ROBO2: variants seen among roughly 807,000 people sequenced by gnomAD.
ROBO2 encodes the protein roundabout homolog 2.
A neutral mutation model predicts 160.8 loss-of-function variants in ROBO2; 53 were observed. The ratio of observed to expected loss-of-function variants is 0.33; its 90% CI spans 0.26 to 0.41. The LOEUF is 0.41. Among genes scored for constraint, ROBO2 ranks in the 10% least tolerant of loss-of-function variants. The pLI is 1.00. For synonymous variants in ROBO2, 664 were observed against 611.7 expected (o/e 1.09, Z -1.26); for missense variants, 1,577 against 1,722.4 (o/e 0.92, Z 1.49).
intron 2 of ROBO2, among the ~76,000 whole-genome samples, chr3:76,403,578 A>G (rs1430753549): frequency 6.6e-6 from 1 of 151,454 alleles, no homozygotes; most frequent in Non-Finnish European, 1.5e-5. Context: ...TCTTAACCAC[A>G]ATGTTTACTC....
At chr3:77,589,636 TG>T (rs1207812256) in intron 17 of ROBO2, among the ~76,000 whole-genome samples, 1 of 152,046 alleles carries the variant, frequency 6.6e-6, no homozygotes, top group Non-Finnish European at 1.5e-5. Context: ...GTTTCAAGGG[TG>T]TCCTATAATG....
chr3:76,412,056 C>T (rs1359442014), intron 2 of ROBO2, among the ~76,000 whole-genome samples: 1 of 152,090 alleles, frequency 6.6e-6, no homozygotes, highest in African/African-American at 2.4e-5. Context: ...GCTGGGGAGG[C>T]CTCAGAATCA....
At chr3:76,956,994 G>T (rs1157331354) in intron 2 of ROBO2, among the ~76,000 whole-genome samples, 1 of 152,050 alleles carries the variant, frequency 6.6e-6, no homozygotes, top group African/African-American at 2.4e-5. Flanking sequence ...ATTATGCCGT[G>T]AAAAATAGAT....
At chr3:77,108,801 T>C (rs530721953) in intron 2 of ROBO2, among the ~76,000 whole-genome samples, 17 of 152,246 alleles carry the variant, frequency 1.1e-4, no homozygotes, top group East Asian at 7.7e-4. Flanking sequence ...ATTAGCTTAA[T>C]TGGGGAGTAG....
At chr3:77,329,482 A>G (rs944311301) in intron 2 of ROBO2, among the ~76,000 whole-genome samples, 1 of 152,216 alleles carries the variant, frequency 6.6e-6, no homozygotes, top group Admixed American at 6.5e-5. Context: ...CCTTCACATT[A>G]AGAGTAATCC....
chr3:76,838,313 A>G (rs2067899308), intron 2 of ROBO2, among the ~76,000 whole-genome samples: 1 of 152,096 alleles, frequency 6.6e-6, no homozygotes, highest in South Asian at 2.1e-4. Flanking sequence ...TGAAATAATC[A>G]GTATAACGAA....
At chr3:75,953,589 T>G (rs1346772822) in intron 2 of ROBO2, among the ~76,000 whole-genome samples, 1 of 151,798 alleles carries the variant, frequency 6.6e-6, no homozygotes, top group Non-Finnish European at 1.5e-5. Context: ...AATTTCTCAA[T>G]TTTTTCTTTG....
chr3:76,757,986 G>A (rs528361231), intron 2 of ROBO2, among the ~76,000 whole-genome samples: 1 of 151,772 alleles, frequency 6.6e-6, no homozygotes, highest in South Asian at 2.1e-4. Context: ...AGGAGGCCAC[G>A]GTGTCTCCAG....
At chr3:77,018,985 C>A (rs947931817) in intron 2 of ROBO2, among the ~76,000 whole-genome samples, 3 of 152,166 alleles carry the variant, frequency 2.0e-5, no homozygotes, top group Admixed American at 1.3e-4. Context: ...TGTCCCTGAT[C>A]CAAGTACATC....
chr3:77,092,052 T>C (rs1401788440), intron 1 of ROBO2: 4 of 151,248 alleles, frequency 2.6e-5, no homozygotes, highest in East Asian at 1.9e-4. Flanking sequence ...TAAAGAAATA[T>C]CTTAGTGTTC....
intron 2 of ROBO2, among the ~76,000 whole-genome samples, chr3:76,606,795 C>T (rs2087697614): frequency 6.6e-6 from 1 of 151,926 alleles, no homozygotes. Flanking sequence ...AATAATGTCT[C>T]CTACTTTGAG....
intron 2 of ROBO2, among the ~76,000 whole-genome samples, chr3:77,365,639 A>G (rs1396084406): frequency 6.6e-6 from 1 of 152,194 alleles, no homozygotes; most frequent in Non-Finnish European, 1.5e-5. Context: ...TAAGTTCAGC[A>G]GAAGACTTAG....
intron 2 of ROBO2, among the ~76,000 whole-genome samples, chr3:76,499,220 G>A (rs80035393): frequency 0.014 from 2,070 of 152,096 alleles, 61 homozygotes; most frequent in African/African-American, 0.046. Flanking sequence ...CAATTTCTCC[G>A]CAACATAAGG....
At chr3:76,761,754 T>C (rs2061320477) in intron 2 of ROBO2, among the ~76,000 whole-genome samples, 1 of 151,690 alleles carries the variant, frequency 6.6e-6, no homozygotes, top group South Asian at 2.1e-4. Context: ...CAACATGTCT[T>C]GATAGAACAT....
intron 2 of ROBO2, among the ~76,000 whole-genome samples, chr3:77,295,478 G>A (rs2061961300): frequency 6.6e-6 from 1 of 150,646 alleles, no homozygotes; most frequent in East Asian, 2.0e-4. Context: ...GGTTAAATGG[G>A]TAAGCTGAGG....
intron 2 of ROBO2, among the ~76,000 whole-genome samples, chr3:77,389,734 T>C (rs2074514516): frequency 6.6e-6 from 1 of 152,144 alleles, no homozygotes; most frequent in African/African-American, 2.4e-5. Flanking sequence ...AATTTCTCTT[T>C]TTGACCGAGT....
intron 2 of ROBO2, among the ~76,000 whole-genome samples, chr3:76,452,713 T>C (rs544277231): frequency 7.4e-4 from 113 of 152,334 alleles, no homozygotes; most frequent in African/African-American, 2.7e-3. Flanking sequence ...CTGGGTCAAA[T>C]GGTATTTCTA....
intron 2 of ROBO2, among the ~76,000 whole-genome samples, chr3:77,202,365 T>C (rs1036745434): frequency 1.3e-5 from 2 of 152,180 alleles, no homozygotes; most frequent in Middle Eastern, 3.2e-3. Context: ...TTTAGAGTGA[T>C]AGAGAAATGC....
chr3:77,062,442 C>T (rs185716041), intron 1 of ROBO2, among the ~76,000 whole-genome samples: 2 of 152,100 alleles, frequency 1.3e-5, no homozygotes, highest in African/African-American at 4.8e-5. Flanking sequence ...AGAACAGGAC[C>T]CAAGTTGTGG....
Sources: gnomAD v4.1 joint callset for allele counts (sites outside exome capture counted in the v4.1 genomes callset) on GRCh38, gnomAD v4.1.1 for gene constraint, MANE v1.5 for transcripts, NCBI Gene and HGNC (gene_info 2026-07-23, HGNC 2026-07-21) for gene names.